Variants in GRM8 observed in about 807,000 individuals in gnomAD.
GRM8 encodes glutamate metabotropic receptor 8, also known as metabotropic glutamate receptor 8.
A neutral mutation model predicts 87.2 loss-of-function variants in GRM8; 47 were observed. That is an observed-to-expected ratio of 0.54 (90% CI 0.43 to 0.69). The LOEUF (loss-of-function observed/expected upper bound fraction) is 0.69, where lower values mean the gene tolerates loss of function less well. Among genes scored for constraint, GRM8 ranks in the 30% least tolerant of loss-of-function variants. The pLI is 0.00. For missense variants in GRM8, 1,019 were observed against 1,139.2 expected, an observed-to-expected ratio of 0.89 and a Z score of 1.52; for synonymous variants, 396 against 404.5, an observed-to-expected ratio of 0.98 and a Z score of 0.25.
At chr7:126,493,021 T>G (rs960256347) in intron 9 of GRM8, among the ~76,000 whole-genome samples, 1 of 152,082 alleles carries the variant, frequency 6.6e-6, no homozygotes, top group Non-Finnish European at 1.5e-5. Context: ...GTATTGATTT[T>G]GTTGGATAAA....
At chr7:126,753,935 A>G (rs935139395) in intron 7 of GRM8, among the ~76,000 whole-genome samples, 1 of 152,076 alleles carries the variant, frequency 6.6e-6, no homozygotes, top group African/African-American at 2.4e-5. Context: ...CTTTGCCAGG[A>G]AACTATGCAA....
chr7:126,966,991 C>T (rs1809939045), intron 3 of GRM8, among the ~76,000 whole-genome samples: 1 of 152,142 alleles, frequency 6.6e-6, no homozygotes, highest in African/African-American at 2.4e-5. Flanking sequence ...AGGCCCAACC[C>T]CACCTTCTCT....
At chr7:126,772,280 T>C (rs1212816970) in intron 6 of GRM8, among the ~76,000 whole-genome samples, 1 of 152,088 alleles carries the variant, frequency 6.6e-6, no homozygotes, top group African/African-American at 2.4e-5. Flanking sequence ...GACGAGGAAA[T>C]TTCAGAGAGA....
At chr7:127,015,916 A>G (rs1203501071) in intron 3 of GRM8, among the ~76,000 whole-genome samples, 1 of 152,146 alleles carries the variant, frequency 6.6e-6, no homozygotes, top group Non-Finnish European at 1.5e-5. Context: ...ACATTAAATT[A>G]TAACCTCTTG....
chr7:127,244,074 GA>G (rs926920461), intron 1 of GRM8, among the ~76,000 whole-genome samples: 3 of 151,610 alleles, frequency 2.0e-5, no homozygotes, highest in East Asian at 1.9e-4. Flanking sequence ...TGTAGCTTGT[GA>G]AAAAAAATTA....
At chr7:126,474,483 G>A (rs535358430) in intron 9 of GRM8, among the ~76,000 whole-genome samples, 1 of 152,098 alleles carries the variant, frequency 6.6e-6, no homozygotes, top group Non-Finnish European at 1.5e-5. Flanking sequence ...TGCCCAGGCT[G>A]GTCTTGAATT....
chr7:127,075,687 A>G (rs1449989140), intron 3 of GRM8, among the ~76,000 whole-genome samples: 2 of 152,198 alleles, frequency 1.3e-5, no homozygotes, highest in Non-Finnish European at 2.9e-5. Context: ...TTTATGACAT[A>G]GTCCAGACCT....
intron 7 of GRM8, among the ~76,000 whole-genome samples, chr7:126,738,767 G>A (rs368274116): frequency 1.2e-4 from 18 of 151,274 alleles, no homozygotes; most frequent in Admixed American, 3.3e-4. Flanking sequence ...GAAATTCTAC[G>A]TTGAGGAAAG....
At chr7:126,915,472 T>C (rs1399056755) in intron 3 of GRM8, among the ~76,000 whole-genome samples, 2 of 152,344 alleles carry the variant, frequency 1.3e-5, no homozygotes, top group Admixed American at 1.3e-4. Context: ...TCTCCAAGTA[T>C]ACACAGAATC....
At chr7:127,016,353 A>G (rs1212716984) in intron 3 of GRM8, among the ~76,000 whole-genome samples, 1 of 152,104 alleles carries the variant, frequency 6.6e-6, no homozygotes, top group Non-Finnish European at 1.5e-5. Context: ...AACCAGGTGA[A>G]GTAAACTTAA....
intron 6 of GRM8, among the ~76,000 whole-genome samples, chr7:126,894,597 G>A (rs1801366905): frequency 6.6e-6 from 1 of 151,918 alleles, no homozygotes; most frequent in African/African-American, 2.4e-5. Flanking sequence ...TAGTTTCTCA[G>A]ACCAAATGCA....
chr7:127,078,210 A>C (rs1223946877), intron 3 of GRM8, among the ~76,000 whole-genome samples: 2 of 152,242 alleles, frequency 1.3e-5, no homozygotes, highest in African/African-American at 4.8e-5. Flanking sequence ...AACAAGATCC[A>C]GATGGAATGT....
chr7:126,831,903 T>A (rs930802279), intron 6 of GRM8, among the ~76,000 whole-genome samples: 1 of 152,184 alleles, frequency 6.6e-6, no homozygotes, highest in African/African-American at 2.4e-5. Context: ...TGTTACACAT[T>A]TGAGCTGTTA....
intron 7 of GRM8, among the ~76,000 whole-genome samples, chr7:126,670,440 T>C (rs1806254595): frequency 6.6e-6 from 1 of 152,182 alleles, no homozygotes; most frequent in Non-Finnish European, 1.5e-5. Context: ...ATGCCATAAA[T>C]CATAATTAAG....
chr7:126,619,055 C>T (rs1799828252), intron 7 of GRM8, among the ~76,000 whole-genome samples: 1 of 152,196 alleles, frequency 6.6e-6, no homozygotes. Flanking sequence ...AATTATGCTG[C>T]TATAAAGGCA....
rs34182595 is a variant in GRM8, at chr7:126,438,829, AT to A, written c.*289del. On this transcript the variant is annotated 3_prime_UTR_variant, in exon 11 of 11. Transcript: ENST00000339582. Reference sequence around the variant, plus strand: ...ATCAGACATTATTTATTTCAACAGCATTTTTTTTCACGAGCTAACATTAGTT... The same window carrying A: ...ATCAGACATTATTTATTTCAACAGCATTTTTTTCACGAGCTAACATTAGTT... 120,511 of 303,290 alleles carry A rather than the reference AT, an allele frequency of 0.4. 24,579 individuals carry two copies. The highest frequency in any genetic ancestry group is 0.52 in the Middle Eastern group (510 of 980). 18.8% of individuals were successfully genotyped at this position (303,290 alleles called of 1,614,324 possible). A position where few individuals can be genotyped will look rare whatever the true frequency, so the allele number is the denominator to read the frequency against.
At chr7:126,844,473 T>C (rs1563242433) in intron 6 of GRM8, among the ~76,000 whole-genome samples, 1 of 152,238 alleles carries the variant, frequency 6.6e-6, no homozygotes, top group Non-Finnish European at 1.5e-5. Context: ...CAAGTCCTTA[T>C]GTACATGATC....
intron 3 of GRM8, among the ~76,000 whole-genome samples, chr7:127,086,352 G>A (rs1374010610): frequency 3.9e-5 from 6 of 152,056 alleles, no homozygotes; most frequent in South Asian, 2.1e-4. Context: ...TGCCTGCCTC[G>A]GCCTCCAAAA....
intron 8 of GRM8, among the ~76,000 whole-genome samples, chr7:126,541,993 T>A (rs185165476): frequency 1.3e-4 from 20 of 152,238 alleles, no homozygotes; most frequent in Admixed American, 1.0e-3. Flanking sequence ...CATTATCCAA[T>A]ATAACTGATG....
Sources: allele counts gnomAD v4.1 joint callset (sites outside exome capture counted in the v4.1 genomes callset), GRCh38; gene constraint gnomAD v4.1.1; transcripts MANE v1.5; gene names NCBI Gene and HGNC (gene_info 2026-07-23, HGNC 2026-07-21).